ARHGAP20: variants seen among roughly 807,000 people sequenced by gnomAD.
ARHGAP20 encodes the protein rho GTPase-activating protein 20.
Under a neutral mutation model 73.7 loss-of-function variants are expected in ARHGAP20, and 34 were observed. The observed-to-expected ratio is 0.46, with a 90% CI of 0.35 to 0.61. ARHGAP20 has a LOEUF of 0.61. Among genes scored for constraint, ARHGAP20 ranks in the 20% least tolerant of loss-of-function variants. The pLI is 0.00. For synonymous variants in ARHGAP20, 523 were observed against 518.2 expected, an observed-to-expected ratio of 1.01 and a Z score of -0.13; for missense variants, 1,314 against 1,420.9, an observed-to-expected ratio of 0.92 and a Z score of 1.21.
At chr11:110,691,097 C>A (rs375099354) in intron 1 of ARHGAP20, 4 of 1,001,784 alleles carry the variant, frequency 4.0e-6, no homozygotes, top group African/African-American at 1.6e-5. Flanking sequence ...AGCACAGAGA[C>A]TAGATTTTTG....
chr11:110,611,440 T>C, intron 6 of ARHGAP20, 54 bp from the exon 7 acceptor site: 2 of 926,642 alleles, frequency 2.2e-6, no homozygotes, highest in Admixed American at 2.8e-5. Flanking sequence ...TTAAAACAGG[T>C]TAACAAATAA....
intron 1 of ARHGAP20, among the ~76,000 whole-genome samples, chr11:110,708,297 C>G (rs1452087248): frequency 2.0e-5 from 3 of 152,060 alleles, no homozygotes; most frequent in African/African-American, 7.2e-5. Context: ...TATGCACTGC[C>G]AGGGGGAATA....
In ARHGAP20 at chr11:110,580,954, C is replaced by T. The variant is rs373976832; in HGVS notation, c.1992G>A (p.Val664=). The T allele has an allele frequency of 1.4e-5, 22 of 1,614,072 alleles. No homozygotes were observed. Among genetic ancestry groups the T allele is most frequent in the Non-Finnish European group, 1.9e-5 (22 of 1,180,028 alleles). Reference sequence around the variant, plus strand: ...GATCCCGCAGTGGGATCTTTGTGTACACTAAAATGTTCACCGGCTTGGATT... The same window carrying T: ...GATCCCGCAGTGGGATCTTTGTGTATACTAAAATGTTCACCGGCTTGGATT... ...PLESKPVNIL[V]YTKIPLRDHA... The change falls in exon 15 of 15, where the codon GTG becomes GTA. Residue 664 remains valine, a synonymous_variant. Coordinates refer to ENST00000683387, the MANE Select transcript of ARHGAP20 (RefSeq NM_001384657.1).
intron 9 of ARHGAP20, 85 bp from the exon 10 acceptor site, chr11:110,592,240 T>G: frequency 7.6e-7 from 1 of 1,310,866 alleles, no homozygotes; most frequent in Non-Finnish European, 1.0e-6. Flanking sequence ...GTATGTTTGT[T>G]GCTATGGCTC....
chr11:110,657,542 A>C (rs1949492548), intron 2 of ARHGAP20, among the ~76,000 whole-genome samples: 1 of 152,154 alleles, frequency 6.6e-6, no homozygotes, highest in Admixed American at 6.6e-5. Flanking sequence ...TAATTATCTA[A>C]GTAGACAAAC....
chr11:110,605,678 G>A (rs1262598769), intron 9 of ARHGAP20, among the ~76,000 whole-genome samples: 2 of 152,178 alleles, frequency 1.3e-5, no homozygotes, highest in African/African-American at 2.4e-5. Flanking sequence ...ACACACAGAT[G>A]AAGAATTTCA....
chr11:110,708,115 A>C (rs1950582348), intron 1 of ARHGAP20, among the ~76,000 whole-genome samples: 1 of 152,182 alleles, frequency 6.6e-6, no homozygotes, highest in Non-Finnish European at 1.5e-5. Flanking sequence ...ACACTTCACC[A>C]AAGATAACAT....
intron 8 of ARHGAP20, among the ~76,000 whole-genome samples, chr11:110,607,057 G>T (rs565980333): frequency 5.3e-4 from 80 of 152,140 alleles, no homozygotes; most frequent in African/African-American, 1.6e-3. Flanking sequence ...GTGCATCTAA[G>T]GATAACTAAA....
chr11:110,631,613 C>T (rs1207890193), intron 2 of ARHGAP20, among the ~76,000 whole-genome samples: 3 of 152,118 alleles, frequency 2.0e-5, no homozygotes, highest in Admixed American at 6.5e-5. Context: ...GTTGCTCATG[C>T]CCTTTAGAGC....
At chr11:110,680,592 A>C (rs1950019408) in intron 2 of ARHGAP20, among the ~76,000 whole-genome samples, 1 of 152,174 alleles carries the variant, frequency 6.6e-6, no homozygotes, top group African/African-American at 2.4e-5. Context: ...GATACAATTG[A>C]ATCATAACTG....
At chr11:110,591,537 C>G (rs1947828985) in intron 10 of ARHGAP20, among the ~76,000 whole-genome samples, 1 of 152,176 alleles carries the variant, frequency 6.6e-6, no homozygotes, top group Non-Finnish European at 1.5e-5. Flanking sequence ...CTGACCCACT[C>G]TATATACAAA....
chr11:110,637,213 C>T (rs911655603), intron 2 of ARHGAP20, among the ~76,000 whole-genome samples: 2 of 151,972 alleles, frequency 1.3e-5, no homozygotes, highest in African/African-American at 2.4e-5. Context: ...GACAGTGTTG[C>T]TTAATCATAA....
intron 9 of ARHGAP20, among the ~76,000 whole-genome samples, chr11:110,603,899 C>A (rs1363223677): frequency 2.0e-5 from 3 of 152,056 alleles, no homozygotes; most frequent in Non-Finnish European, 2.9e-5. Flanking sequence ...TATTATAGAT[C>A]AGAATGTTTG....
chr11:110,619,517 A>G (rs2134916951), intron 4 of ARHGAP20, among the ~76,000 whole-genome samples: 1 of 151,804 alleles, frequency 6.6e-6, no homozygotes, highest in East Asian at 1.9e-4. Context: ...GATAGGGTAT[A>G]TGCAGTGATA....
At chr11:110,659,919 G>A (rs1001689966) in intron 2 of ARHGAP20, among the ~76,000 whole-genome samples, 1 of 151,498 alleles carries the variant, frequency 6.6e-6, no homozygotes, top group African/African-American at 2.4e-5. Flanking sequence ...TGGGGGGAGT[G>A]GGGAGGGATA....
intron 1 of ARHGAP20, among the ~76,000 whole-genome samples, chr11:110,707,298 T>C (rs949827860): frequency 6.6e-6 from 1 of 152,190 alleles, no homozygotes; most frequent in African/African-American, 2.4e-5. Flanking sequence ...GATTCTAATA[T>C]GTGCTTCCAC....
intron 2 of ARHGAP20, among the ~76,000 whole-genome samples, chr11:110,663,418 T>C (rs1949657415): frequency 6.6e-6 from 1 of 150,942 alleles, no homozygotes; most frequent in African/African-American, 2.4e-5. Flanking sequence ...AAAGGTAACA[T>C]TGCTACAGAT....
intron 4 of ARHGAP20, among the ~76,000 whole-genome samples, chr11:110,620,151 C>T (rs1219664973): frequency 6.6e-6 from 1 of 152,126 alleles, no homozygotes; most frequent in Non-Finnish European, 1.5e-5. Flanking sequence ...CCTGCCACAT[C>T]CTCCCAAGTA....
intron 1 of ARHGAP20, chr11:110,690,907 C>T (rs2135118027): frequency 2.4e-6 from 3 of 1,227,010 alleles, no homozygotes; most frequent in Non-Finnish European, 3.4e-6. Context: ...GGAGAAACAC[C>T]ATCATAACCA....
Sources: gnomAD v4.1 joint callset for allele counts (sites outside exome capture counted in the v4.1 genomes callset) on GRCh38, gnomAD v4.1.1 for gene constraint, MANE v1.5 for transcripts, NCBI Gene and HGNC (gene_info 2026-07-23, HGNC 2026-07-21) for gene names.